Variants in HENMT1 observed in about 807,000 individuals in gnomAD.
The protein encoded by HENMT1 is small RNA 2'-O-methyltransferase.
In HENMT1, 27 loss-of-function variants were observed where a neutral mutation model predicts 31.1. The ratio of observed to expected loss-of-function variants is 0.87; its 90% CI spans 0.64 to 1.20. The LOEUF is 1.20. Among genes scored for constraint, HENMT1 ranks in the 50% most tolerant of loss-of-function variants. The probability of loss-of-function intolerance (pLI) is 0.00; values close to 1 mark genes in which losing one functional copy is unlikely to be tolerated. For synonymous variants in HENMT1, 167 were observed against 172.2 expected (o/e 0.97, Z 0.24); for missense variants, 438 against 469.6 (o/e 0.93, Z 0.62).
intron 1 of HENMT1, among the ~76,000 whole-genome samples, chr1:108,660,441 T>A (rs1052563154): frequency 3.0e-4 from 45 of 152,162 alleles, no homozygotes; most frequent in African/African-American, 9.9e-4. Context: ...TTTTCAAAAA[T>A]TTTTCCACAC....
At chr1:108,661,132 GC>G (rs1454572261), upstream of HENMT1, 1 of 395,994 alleles carries the variant, frequency 2.5e-6, no homozygotes, top group Non-Finnish European at 3.4e-6. Flanking sequence ...TACCGCCGCG[GC>G]TACGCCGGCG....
chr1:108,655,160 A>C (rs939261685), intron 4 of HENMT1, among the ~76,000 whole-genome samples: 1 of 152,210 alleles, frequency 6.6e-6, no homozygotes, highest in African/African-American at 2.4e-5. Context: ...TTAGAAAAAG[A>C]ATATTCTTGA....
intron 5 of HENMT1, 34 bp downstream of exon 5, chr1:108,654,682 G>T: frequency 6.3e-7 from 1 of 1,594,566 alleles, no homozygotes; most frequent in South Asian, 1.1e-5. Flanking sequence ...CTTTTCAAAT[G>T]AACAGTTATA....
At chr1:108,659,363 TA>T (rs1008025460) in intron 2 of HENMT1, among the ~76,000 whole-genome samples, 247 of 143,950 alleles carry the variant, frequency 1.7e-3, no homozygotes, top group African/African-American at 2.1e-3. Flanking sequence ...GACCCTGTCT[TA>T]AAAAAAAAAA....
At chr1:108,660,630 A>G (rs556850038) in intron 1 of HENMT1, among the ~76,000 whole-genome samples, 1 of 152,350 alleles carries the variant, frequency 6.6e-6, no homozygotes, top group African/African-American at 2.4e-5. Flanking sequence ...ACCAACTTGT[A>G]TTAAGAAACC....
At position 108,650,676 on chromosome 1, in the gene HENMT1, T is replaced by C. The variant is rs1405519727; in HGVS notation, c.579-288A>G. On this transcript the variant is annotated intron_variant, in intron 6 of 7. Coordinates refer to ENST00000651461, the MANE Select transcript of HENMT1 (RefSeq NM_001102592.2). ...ACAAGTGCTCAACCCAACTACCCAT[T>C]TGGGTTTGCAATTACACCAGAAAAC... Among the ~76,000 whole-genome samples, 4 of 152,210 alleles carry C rather than the reference T, an allele frequency of 2.6e-5. No homozygotes were observed. The East Asian group carries it at 7.7e-4, about 29-fold the overall frequency.
chr1:108,652,897 T>C (rs541923772), intron 5 of HENMT1, among the ~76,000 whole-genome samples: 1 of 150,520 alleles, frequency 6.6e-6, no homozygotes, highest in East Asian at 2.0e-4. Context: ...TGAGCCGAGA[T>C]CGCGCCATTG....
rs987577093 is a variant in HENMT1, at chr1:108,652,837, G to A, written c.399-1628C>T. Among the ~76,000 whole-genome samples, 48 of 151,800 alleles carry A rather than the reference G, an allele frequency of 3.2e-4. 1 individual carries two copies. The highest frequency in any genetic ancestry group is 6.8e-3 in the Middle Eastern group (2 of 294). On this transcript the variant is annotated intron_variant, in intron 5 of 7. Transcript: ENST00000651461. Reference sequence around the variant, plus strand: ...CAGGCACCTGTAATCCCAGCTGCTCGGGAGGCTGAGGCAAAAGAATCACTT... The same window carrying A: ...CAGGCACCTGTAATCCCAGCTGCTCAGGAGGCTGAGGCAAAAGAATCACTT...
Position 108,648,902 on chromosome 1 carries a change from T to TA in HENMT1, c.845dup (p.Leu282PhefsTer18). 1.2e-6 allele frequency: 2 copies of TA among 1,614,214 alleles called. No individual in the cohort carries two copies. ...TCCGCCTTGGCAGGTGGCTCACTCT[T>TA]AAGCTTTCCACTTGTTGGGACACCT... is the stretch of plus-strand genomic sequence containing the variant. On this transcript the variant is annotated frameshift_variant, in exon 8 of 8. Transcript: ENST00000651461. LOFTEE classifies it low-confidence loss of function (END_TRUNC).
chr1:108,653,540 C>T (rs1297618741), intron 5 of HENMT1, among the ~76,000 whole-genome samples: 2 of 152,214 alleles, frequency 1.3e-5, no homozygotes, highest in Non-Finnish European at 2.9e-5. Flanking sequence ...AACGGCTGTA[C>T]TAATTTACAT....
intron 2 of HENMT1, among the ~76,000 whole-genome samples, chr1:108,658,120 T>C (rs144231308): frequency 0.052 from 7,256 of 140,758 alleles, 254 homozygotes; most frequent in East Asian, 0.082. Context: ...CACACACACA[T>C]ATATATATAT....
chr1:108,660,064 A>G, intron 1 of HENMT1, 102 bp from the exon 2 acceptor site: 1 of 429,554 alleles, frequency 2.3e-6, no homozygotes, highest in East Asian at 4.3e-5. Context: ...TCCTTACTAC[A>G]GTATATAATT....
At chr1:108,659,775 T>C (rs1658386113) in intron 2 of HENMT1, 89 bp downstream of exon 2, 4 of 829,188 alleles carry the variant, frequency 4.8e-6, no homozygotes, top group African/African-American at 1.7e-5. Flanking sequence ...AGGACCTAAA[T>C]GTGATCAATT....
In HENMT1 at chr1:108,660,121, C is replaced by CCA. The variant is rs1553184063; in HGVS notation, c.-78-160_-78-159insTG. Among the ~76,000 whole-genome samples the CCA allele has an allele frequency of 4.1e-3, 511 of 125,950 alleles. 8 individuals carry two copies. In the East Asian group the frequency reaches 0.047, roughly 12 times the overall value. The allele number at this position is 125,950 out of a possible 152,430, so 82.6% of individuals were successfully genotyped here. ...AATAATGAATTCACCTCTGAGTACT[C>CCA]AAAAAAAAAAAAAAAAACACGAAAG... On this transcript the variant is annotated intron_variant, in intron 1 of 7. Transcript: ENST00000651461.
rs1658166190 is a variant in HENMT1, at chr1:108,654,774, A to G, written c.340T>C (p.Ser114Pro). The G allele has an allele frequency of 1.9e-6, 3 of 1,614,148 alleles. No homozygotes were observed. In the African/African-American group the frequency reaches 4.0e-5, roughly 22 times the overall value. ...AAACGAGAGTCTCTCTCCACAACGG[A>G]GCCATGATACAATGTGATGGTCAAA... ...LNLTITLYHG[S>P]VVERDSRLLG... The change falls in exon 5 of 8, where the codon TCC becomes CCC. Residue 114 changes from serine to proline, a missense_variant. Transcript: ENST00000651461.
chr1:108,653,423 A>G (rs960812073), intron 5 of HENMT1, among the ~76,000 whole-genome samples: 8 of 152,154 alleles, frequency 5.3e-5, no homozygotes, highest in Non-Finnish European at 8.8e-5. Context: ...ATCTCTCTTC[A>G]ATATAACTGA....
intron 2 of HENMT1, among the ~76,000 whole-genome samples, chr1:108,658,050 C>T (rs1450406984): frequency 8.9e-6 from 1 of 112,426 alleles, no homozygotes; most frequent in Non-Finnish European, 1.8e-5. Context: ...TATATATACA[C>T]ACACACACAC....
Position 108,648,520 on chromosome 1 carries a change from G to A in HENMT1, c.*46C>T. The A allele has an allele frequency of 6.6e-7, 1 of 1,509,628 alleles. No individual in the cohort carries two copies. Among genetic ancestry groups the A allele is most frequent in the Non-Finnish European group, 9.1e-7 (1 of 1,102,826 alleles). 93.5% of individuals were successfully genotyped at this position (1,509,628 alleles called of 1,614,324 possible). Reference sequence around the variant, plus strand: ...ACAAAAAAAACTAAATTCTAAGTGAGCACAACTATCGCTGAGACCCTGAAA... The same window carrying A: ...ACAAAAAAAACTAAATTCTAAGTGAACACAACTATCGCTGAGACCCTGAAA... On this transcript the variant is annotated 3_prime_UTR_variant, in exon 8 of 8. Coordinates refer to ENST00000651461, the MANE Select transcript of HENMT1 (RefSeq NM_001102592.2).
At position 108,648,602 on chromosome 1, in the gene HENMT1, G is replaced by C; in HGVS notation, c.1146C>G (p.Asp382Glu). Reference sequence around the variant, plus strand: ...ACTGTTCATCAAAATAATTACGCAGGTCAGCCACCACTGCAGAACCATCAC... The same window carrying C: ...ACTGTTCATCAAAATAATTACGCAGCTCAGCCACCACTGCAGAACCATCAC... ...LSSDGSAVVADLRNYFDEQFE... is the reference protein window; with the variant it reads ...LSSDGSAVVAELRNYFDEQFE... Residue 382 changes from aspartate (D) to glutamate (E), a missense_variant, in exon 8 of 8, where the codon GAC becomes GAG. Asp to Glu is a conservative substitution (Grantham distance 45). Transcript: ENST00000651461. 2 of 1,614,100 alleles carry C rather than the reference G, an allele frequency of 1.2e-6. No individual in the cohort carries two copies. Among genetic ancestry groups the C allele is most frequent in the Non-Finnish European group, 8.5e-7 (1 of 1,179,954 alleles).
Sources: allele counts gnomAD v4.1 joint callset (sites outside exome capture counted in the v4.1 genomes callset), GRCh38; gene constraint gnomAD v4.1.1; transcripts MANE v1.5; gene names NCBI Gene and HGNC (gene_info 2026-07-23, HGNC 2026-07-21).